Variants in ZNF385D observed in about 807,000 individuals in gnomAD.
The protein encoded by ZNF385D is zinc finger protein 385D.
A neutral mutation model predicts 35.8 loss-of-function variants in ZNF385D; 15 were observed. That is an observed-to-expected ratio of 0.42 (90% CI 0.28 to 0.64). The LOEUF (loss-of-function observed/expected upper bound fraction) is 0.64. Ranked by LOEUF, ZNF385D falls within the 30% of genes least tolerant of loss-of-function variation. The pLI, the probability that ZNF385D is intolerant of heterozygous loss-of-function variation, is 0.23. For synonymous variants in ZNF385D, 212 were observed against 186.8 expected, an observed-to-expected ratio of 1.13 and a Z score of -1.10; for missense variants, 474 against 494.6, an observed-to-expected ratio of 0.96 and a Z score of 0.39.
intron 3 of ZNF385D, among the ~76,000 whole-genome samples, chr3:21,804,815 A>G (rs2072563085): frequency 6.6e-6 from 1 of 152,106 alleles, no homozygotes; most frequent in African/African-American, 2.4e-5. Flanking sequence ...GGTTAGTTCA[A>G]AGGCTATTTA....
At chr3:21,424,306 T>TATATAC (rs1700895973) in intron 6 of ZNF385D, among the ~76,000 whole-genome samples, 1 of 45,270 alleles carries the variant, frequency 2.2e-5, no homozygotes, top group Non-Finnish European at 4.4e-5. Context: ...TATATTTATA[T>TATATAC]ATATATATAT....
At chr3:21,883,392 C>T (rs1003948417) in intron 3 of ZNF385D, among the ~76,000 whole-genome samples, 2 of 151,926 alleles carry the variant, frequency 1.3e-5, no homozygotes, top group Non-Finnish European at 1.5e-5. Flanking sequence ...ACAAATGTCT[C>T]ACCAAATTGA....
intron 3 of ZNF385D, among the ~76,000 whole-genome samples, chr3:22,146,034 T>G (rs905060947): frequency 6.6e-6 from 1 of 152,124 alleles, no homozygotes; most frequent in Non-Finnish European, 1.5e-5. Context: ...TCTGCTGGAC[T>G]GATGACCACA....
At chr3:21,752,007 A>ACCCCCCCC (rs71044940), upstream of ZNF385D, among the ~76,000 whole-genome samples, 16 of 88,614 alleles carry the variant, frequency 1.8e-4, no homozygotes, top group East Asian at 8.5e-4. Context: ...ACACACACCC[A>ACCCCCCCC]CCCCCCTCCC....
intron 4 of ZNF385D, among the ~76,000 whole-genome samples, chr3:21,464,932 G>A (rs928239357): frequency 6.6e-6 from 1 of 152,092 alleles, no homozygotes; most frequent in African/African-American, 2.4e-5. Flanking sequence ...CAGTGGGGGT[G>A]CAGACAGAGG....
Position 21,978,476 on chromosome 3 carries a change from A to G in ZNF385D, c.325+190341T>C, listed in dbSNP as rs76887282. Among the ~76,000 whole-genome samples the G allele has an allele frequency of 6.1e-3, 923 of 152,336 alleles. 10 individuals are homozygous for G. Among genetic ancestry groups the G allele is most frequent in the African/African-American group, 0.021 (883 of 41,570 alleles). ...CAGGAACTATGCCATCACTGGCAAA[A>G]GTAGATTAGGATGTGGGTGTTCTGG... On this transcript the variant is annotated intron_variant, in intron 3 of 5. Transcript: ENST00000494108.
chr3:21,471,332 C>T (rs953868534), intron 4 of ZNF385D, among the ~76,000 whole-genome samples: 18 of 123,596 alleles, frequency 1.5e-4, no homozygotes, highest in Non-Finnish European at 3.0e-4. Context: ...CACACACACA[C>T]ACACCTTGGT....
intron 2 of ZNF385D, among the ~76,000 whole-genome samples, chr3:22,337,646 CAT>C (rs1347201168): frequency 1.3e-5 from 2 of 152,220 alleles, no homozygotes; most frequent in Non-Finnish European, 2.9e-5. Flanking sequence ...ATAGACTTGA[CAT>C]AGAGTTTAGA....
intron 1 of ZNF385D, among the ~76,000 whole-genome samples, chr3:21,683,847 A>G (rs1301941304): frequency 6.7e-6 from 1 of 150,048 alleles, no homozygotes; most frequent in East Asian, 2.0e-4. Context: ...CAGGAACTAA[A>G]TTCTGCTAAC....
chr3:21,612,555 T>C (rs2125792291), intron 2 of ZNF385D, among the ~76,000 whole-genome samples: 1 of 152,354 alleles, frequency 6.6e-6, no homozygotes, highest in Non-Finnish European at 1.5e-5. Context: ...GAGAACCTAT[T>C]CATTTGTTCA....
intron 3 of ZNF385D, among the ~76,000 whole-genome samples, chr3:22,124,904 A>G (rs1703337785): frequency 1.3e-5 from 2 of 152,090 alleles, no homozygotes; most frequent in Admixed American, 1.3e-4. Flanking sequence ...TTGGCTGCAT[A>G]GAAGCTTTTT....
At chr3:21,490,494 T>C (rs1705352709) in intron 4 of ZNF385D, among the ~76,000 whole-genome samples, 2 of 152,150 alleles carry the variant, frequency 1.3e-5, no homozygotes, top group Admixed American at 1.3e-4. Flanking sequence ...TTTATGCCTG[T>C]CTCAACCAAT....
At chr3:21,996,705 T>C (rs1481544523) in intron 3 of ZNF385D, among the ~76,000 whole-genome samples, 2 of 152,230 alleles carry the variant, frequency 1.3e-5, no homozygotes, top group East Asian at 1.9e-4. Context: ...AAAAGTATTT[T>C]ATATTGGAAA....
intron 3 of ZNF385D, among the ~76,000 whole-genome samples, chr3:21,523,268 A>G (rs574707438): frequency 4.3e-4 from 66 of 152,322 alleles, no homozygotes; most frequent in African/African-American, 1.5e-3. Context: ...CAGCTTAACC[A>G]CAAAGTATGA....
intron 3 of ZNF385D, among the ~76,000 whole-genome samples, chr3:22,091,006 T>A (rs763720016): frequency 6.6e-6 from 1 of 152,078 alleles, no homozygotes; most frequent in Non-Finnish European, 1.5e-5. Flanking sequence ...TGCTAATATA[T>A]ACCAATAGAA....
chr3:22,015,045 C>CT (rs895964652), intron 3 of ZNF385D, among the ~76,000 whole-genome samples: 24 of 151,328 alleles, frequency 1.6e-4, no homozygotes, highest in East Asian at 7.8e-4. Context: ...TGTGTAATTT[C>CT]TTTTTTTTTA....
intron 3 of ZNF385D, among the ~76,000 whole-genome samples, chr3:21,893,422 T>C (rs1357204456): frequency 1.3e-5 from 2 of 152,112 alleles, no homozygotes; most frequent in African/African-American, 4.8e-5. Context: ...CATCGAGCTG[T>C]TTTACTGCAC....
intron 3 of ZNF385D, among the ~76,000 whole-genome samples, chr3:22,046,667 T>A (rs1167923230): frequency 6.6e-6 from 1 of 152,156 alleles, no homozygotes; most frequent in African/African-American, 2.4e-5. Context: ...CCCTATGAAA[T>A]TTAACACCTG....
chr3:22,146,206 T>G (rs1041711822), intron 3 of ZNF385D, among the ~76,000 whole-genome samples: 10 of 152,216 alleles, frequency 6.6e-5, no homozygotes, highest in African/African-American at 2.2e-4. Flanking sequence ...TCATTTGTAC[T>G]TATAGGATTT....
Sources: allele counts gnomAD v4.1 joint callset (sites outside exome capture counted in the v4.1 genomes callset), GRCh38; gene constraint gnomAD v4.1.1; transcripts MANE v1.5; gene names NCBI Gene and HGNC (gene_info 2026-07-23, HGNC 2026-07-21).